GALNT14: variants seen among roughly 807,000 people sequenced by gnomAD.
The protein encoded by GALNT14 is UDP-GalNAc:polypeptide N-acetylgalactosaminyltransferase 14.
A neutral mutation model predicts 77.5 loss-of-function variants in GALNT14; 60 were observed. The observed-to-expected ratio is 0.77, with a 90% CI of 0.63 to 0.96. The LOEUF is 0.96. Among genes scored for constraint, GALNT14 ranks in the 40% least tolerant of loss-of-function variants. GALNT14 has a pLI of 0.00. For synonymous variants in GALNT14, 280 were observed against 281.7 expected (o/e 0.99, Z 0.06); for missense variants, 710 against 731.0 (o/e 0.97, Z 0.33).
At chr2:31,051,263 G>A (rs909200054) in intron 1 of GALNT14, among the ~76,000 whole-genome samples, 1 of 152,306 alleles carries the variant, frequency 6.6e-6, no homozygotes, top group Non-Finnish European at 1.5e-5. Context: ...GCTGCAGTGC[G>A]CAGTTGCTTG....
chr2:30,987,292 A>T (rs995017260), intron 2 of GALNT14, among the ~76,000 whole-genome samples: 2 of 152,300 alleles, frequency 1.3e-5, no homozygotes, highest in South Asian at 4.1e-4. Context: ...AAGGTTGCTA[A>T]GCCCAAGCAT....
intron 11 of GALNT14, among the ~76,000 whole-genome samples, 166 bp from the exon 12 acceptor site, chr2:30,924,989 C>A (rs538876056): frequency 1.1e-4 from 16 of 152,360 alleles, no homozygotes; most frequent in Admixed American, 1.0e-3. Context: ...GAACAGATTT[C>A]TATAACTGCA....
chr2:30,986,151 C>T (rs1669285238), intron 2 of GALNT14, among the ~76,000 whole-genome samples: 2 of 152,092 alleles, frequency 1.3e-5, no homozygotes, highest in African/African-American at 4.8e-5. Flanking sequence ...GTGATGGGCG[C>T]CCCACTGTCT....
intron 1 of GALNT14, among the ~76,000 whole-genome samples, chr2:31,064,339 A>C (rs1042170942): frequency 6.6e-6 from 1 of 152,182 alleles, no homozygotes; most frequent in Non-Finnish European, 1.5e-5. Flanking sequence ...TAAGATGGTA[A>C]ATTTTTAAAA....
chr2:30,978,116 C>T (rs901001396), intron 2 of GALNT14, among the ~76,000 whole-genome samples: 2 of 152,232 alleles, frequency 1.3e-5, no homozygotes, highest in African/African-American at 2.4e-5. Context: ...CCCCACATTC[C>T]CTTGCAGGAG....
intron 1 of GALNT14, chr2:31,126,611 G>C (rs1678716226): frequency 6.6e-6 from 1 of 152,178 alleles, no homozygotes; most frequent in Non-Finnish European, 1.5e-5. Flanking sequence ...GCAGAAACAA[G>C]AAGCGAGTGT....
chr2:31,026,461 C>T (rs769661018), intron 1 of GALNT14, among the ~76,000 whole-genome samples: 4 of 152,198 alleles, frequency 2.6e-5, no homozygotes, highest in Non-Finnish European at 5.9e-5. Context: ...GGACAAGGAG[C>T]GTGGCCTGTG....
chr2:30,925,161 G>A (rs183401539), intron 11 of GALNT14, among the ~76,000 whole-genome samples: 1 of 152,282 alleles, frequency 6.6e-6, no homozygotes, highest in East Asian at 1.9e-4. Context: ...TACCGCTGGG[G>A]CTCTGGGCCT....
At chr2:30,952,119 T>C (rs1667064248) in intron 6 of GALNT14, among the ~76,000 whole-genome samples, 1 of 152,270 alleles carries the variant, frequency 6.6e-6, no homozygotes, top group South Asian at 2.1e-4. Flanking sequence ...AAAATGCTTA[T>C]GTATAACATT....
chr2:31,027,567 T>G (rs1672145061), intron 1 of GALNT14, among the ~76,000 whole-genome samples: 1 of 152,134 alleles, frequency 6.6e-6, no homozygotes, highest in Non-Finnish European at 1.5e-5. Flanking sequence ...GGATCATGTC[T>G]GAGATCAGCC....
chr2:30,907,480 G>C (rs181439781), downstream of GALNT14, among the ~76,000 whole-genome samples: 1 of 152,120 alleles, frequency 6.6e-6, no homozygotes, highest in Admixed American at 6.5e-5. Context: ...TAAATTCCTC[G>C]ACACATACAC....
chr2:31,099,408 A>AT (rs201512127), intron 1 of GALNT14, among the ~76,000 whole-genome samples: 2,204 of 151,692 alleles, frequency 0.015, 31 homozygotes, highest in Non-Finnish European at 0.019. Flanking sequence ...TACTTAGAAG[A>AT]TTTTTTTCCT....
chr2:31,079,273 T>C (rs546089414), intron 1 of GALNT14, among the ~76,000 whole-genome samples: 1 of 152,262 alleles, frequency 6.6e-6, no homozygotes, highest in African/African-American at 2.4e-5. Context: ...ATTCACTCGC[T>C]GTATGGCAGA....
At chr2:31,129,949 G>T (rs1209678508) in intron 1 of GALNT14, among the ~76,000 whole-genome samples, 1 of 152,136 alleles carries the variant, frequency 6.6e-6, no homozygotes. Flanking sequence ...ATGCAGATCG[G>T]GTTGCAAGAG....
At chr2:31,082,243 C>A (rs1573320245) in intron 1 of GALNT14, among the ~76,000 whole-genome samples, 1 of 152,344 alleles carries the variant, frequency 6.6e-6, no homozygotes, top group African/African-American at 2.4e-5. Context: ...AGATAACACA[C>A]AACAAGCAGG....
chr2:31,091,410 C>T (rs1423705588), intron 1 of GALNT14, among the ~76,000 whole-genome samples: 1 of 152,164 alleles, frequency 6.6e-6, no homozygotes, highest in Non-Finnish European at 1.5e-5. Context: ...GACCATAAGG[C>T]CTGTAAAGCT....
intron 1 of GALNT14, among the ~76,000 whole-genome samples, chr2:31,119,190 A>G (rs1678262318): frequency 6.6e-6 from 1 of 152,212 alleles, no homozygotes; most frequent in Non-Finnish European, 1.5e-5. Flanking sequence ...CAGGGCATTC[A>G]TGAGCTATTT....
At chr2:31,128,587 C>A (rs1291312349) in intron 1 of GALNT14, among the ~76,000 whole-genome samples, 1 of 152,196 alleles carries the variant, frequency 6.6e-6, no homozygotes, top group Non-Finnish European at 1.5e-5. Flanking sequence ...CTTGGAGCAG[C>A]CTAGGAATGA....
intron 3 of GALNT14, among the ~76,000 whole-genome samples, chr2:30,960,881 C>T (rs1667653143): frequency 6.6e-6 from 1 of 152,220 alleles, no homozygotes; most frequent in South Asian, 2.1e-4. Context: ...CAGCTGCCTT[C>T]CCCACACCCT....
Sources: gnomAD v4.1 joint callset for allele counts (sites outside exome capture counted in the v4.1 genomes callset) on GRCh38, gnomAD v4.1.1 for gene constraint, MANE v1.5 for transcripts, NCBI Gene and HGNC (gene_info 2026-07-23, HGNC 2026-07-21) for gene names.